The following NEGR1 variants were observed in gnomAD, a reference collection of about 807,000 sequenced individuals.
NEGR1 encodes the protein IgLON family member 4.
A neutral mutation model predicts 40.9 loss-of-function variants in NEGR1; 10 were observed. The ratio of observed to expected loss-of-function variants is 0.24; its 90% CI spans 0.15 to 0.42. The LOEUF is 0.42. Among genes scored for constraint, NEGR1 ranks in the 10% least tolerant of loss-of-function variants. The pLI is 1.00. For synonymous variants in NEGR1, 185 were observed against 166.8 expected (o/e 1.11, Z -0.84); for missense variants, 352 against 438.9 (o/e 0.80, Z 1.77).
intron 1 of NEGR1, among the ~76,000 whole-genome samples, chr1:72,080,627 A>G (rs544077919): frequency 6.6e-6 from 1 of 152,112 alleles, no homozygotes; most frequent in Non-Finnish European, 1.5e-5. Flanking sequence ...ATGCTGGTTA[A>G]GTTAAAATTA....
chr1:72,255,971 G>A (rs74092115), intron 1 of NEGR1, among the ~76,000 whole-genome samples: 3,971 of 152,236 alleles, frequency 0.026, 160 homozygotes, highest in African/African-American at 0.09. Flanking sequence ...TGTATGTCAT[G>A]TTTTATATGG....
intron 2 of NEGR1, among the ~76,000 whole-genome samples, chr1:71,796,948 A>G (rs1657353012): frequency 6.6e-6 from 1 of 152,098 alleles, no homozygotes; most frequent in Non-Finnish European, 1.5e-5. Flanking sequence ...AACGGTAGGG[A>G]CTATGGGTTG....
At chr1:72,017,946 G>A (rs1021198765) in intron 1 of NEGR1, among the ~76,000 whole-genome samples, 2 of 151,964 alleles carry the variant, frequency 1.3e-5, no homozygotes, top group Non-Finnish European at 2.9e-5. Flanking sequence ...CTCATCTAGA[G>A]AAATTTACCA....
intron 1 of NEGR1, among the ~76,000 whole-genome samples, chr1:72,024,161 G>C (rs3102908): frequency 6.6e-6 from 1 of 151,826 alleles, no homozygotes; most frequent in South Asian, 2.1e-4. Context: ...CACATAGCCA[G>C]CTGGCTACCT....
At chr1:72,271,706 C>A (rs540795488) in intron 1 of NEGR1, among the ~76,000 whole-genome samples, 1 of 152,008 alleles carries the variant, frequency 6.6e-6, no homozygotes, top group East Asian at 1.9e-4. Context: ...TGCATCCACC[C>A]AAATTTCAAC....
rs943749664 is a variant in NEGR1 at position 72,041,619 on chromosome 1, C to A, written c.177-106308G>T. On this transcript the variant is annotated intron_variant, in intron 1 of 6. Coordinates refer to ENST00000357731, the MANE Select transcript of NEGR1 (RefSeq NM_173808.3). The stretch of plus-strand genomic sequence containing the variant: ...AGAACAGTCAAATATGGTTTTGTGA[C>A]CCTCCGTACCTCAAATCCCACTTGT... Among the ~76,000 whole-genome samples, 10 of 150,046 alleles carry A rather than the reference C, an allele frequency of 6.7e-5. No individual in the cohort carries two copies. The Admixed American group carries it at 6.7e-4, about 10-fold the overall frequency.
chr1:71,588,190 A>G (rs2783047), intron 6 of NEGR1, among the ~76,000 whole-genome samples: 135,933 of 151,952 alleles, frequency 0.89, 62,161 homozygotes, highest in Non-Finnish European at 1. Flanking sequence ...AGTCTTTAAA[A>G]AACAGACTTG....
intron 4 of NEGR1, among the ~76,000 whole-genome samples, chr1:71,655,756 A>C (rs1367485284): frequency 6.6e-6 from 1 of 152,166 alleles, no homozygotes. Flanking sequence ...ACAGTCTAGA[A>C]GATACTGAGA....
chr1:72,207,908 C>A (rs1653468059), intron 1 of NEGR1, among the ~76,000 whole-genome samples: 1 of 151,724 alleles, frequency 6.6e-6, no homozygotes, highest in Non-Finnish European at 1.5e-5. Flanking sequence ...TTTGAACAGT[C>A]TGCTTCATAA....
chr1:71,432,862 C>T (rs1437573791), intron 6 of NEGR1, among the ~76,000 whole-genome samples: 1 of 152,132 alleles, frequency 6.6e-6, no homozygotes, highest in East Asian at 1.9e-4. Context: ...TGGAAGAATC[C>T]TCTGTGATTC....
chr1:72,117,094 T>C (rs547955971), intron 1 of NEGR1, among the ~76,000 whole-genome samples: 2 of 151,846 alleles, frequency 1.3e-5, no homozygotes, highest in South Asian at 4.2e-4. Context: ...AATCTAGTTC[T>C]TCCCTCTGTT....
intron 3 of NEGR1, among the ~76,000 whole-genome samples, chr1:71,716,949 C>T (rs1016190517): frequency 2.1e-4 from 32 of 152,062 alleles, no homozygotes; most frequent in Non-Finnish European, 4.3e-4. Context: ...AGAACTGCCT[C>T]CCCCCACCAT....
intron 1 of NEGR1, among the ~76,000 whole-genome samples, chr1:71,978,379 T>C (rs1342923873): frequency 6.6e-6 from 1 of 152,196 alleles, no homozygotes; most frequent in Admixed American, 6.5e-5. Context: ...TCTTTATTTC[T>C]TATATTTATT....
intron 3 of NEGR1, among the ~76,000 whole-genome samples, chr1:71,733,444 A>G (rs1654950541): frequency 6.6e-6 from 1 of 152,178 alleles, no homozygotes; most frequent in Admixed American, 6.6e-5. Flanking sequence ...CTGTATTGTA[A>G]CTGAAGTTTA....
chr1:71,903,837 T>C (rs923548940), intron 2 of NEGR1, among the ~76,000 whole-genome samples: 1 of 151,500 alleles, frequency 6.6e-6, no homozygotes, highest in Non-Finnish European at 1.5e-5. Flanking sequence ...TATATATATA[T>C]AAAAAATGAT....
At chr1:72,159,715 C>T (rs17092404) in intron 1 of NEGR1, among the ~76,000 whole-genome samples, 95 of 151,978 alleles carry the variant, frequency 6.3e-4, no homozygotes, top group African/African-American at 2.1e-3. Flanking sequence ...CTTGCTGCTG[C>T]GATTATTTTC....
At position 71,756,421 on chromosome 1, in the gene NEGR1, AAAC is replaced by A. The variant is rs1335234669; in HGVS notation, c.535+19748_535+19750del. 1.2e-4 allele frequency among the ~76,000 whole-genome samples: 17 copies of A among 142,476 alleles called. 1 individual carries two copies. The highest frequency in any genetic ancestry group is 1.5e-4 in the African/African-American group (6 of 40,072). 93.5% of individuals were successfully genotyped at this position (142,476 alleles called of 152,430 possible). A position where few individuals can be genotyped will look rare whatever the true frequency, so the allele number is the denominator to read the frequency against. On this transcript the variant is annotated intron_variant, in intron 3 of 6. Transcript: ENST00000357731. Reference sequence around the variant, plus strand: ...AAAAACAAAAACAAACAAAAAAAAAAAACCAAAAAAAACCACATCAGGCCTCTA... The same window carrying A: ...AAAAACAAAAACAAACAAAAAAAAAACAAAAAAAACCACATCAGGCCTCTA...
At chr1:71,756,422 A>C (rs998165234) in intron 3 of NEGR1, among the ~76,000 whole-genome samples, 7 of 145,420 alleles carry the variant, frequency 4.8e-5, no homozygotes, top group Non-Finnish European at 7.6e-5. Context: ...AAAAAAAAAA[A>C]ACCAAAAAAA....
intron 3 of NEGR1, among the ~76,000 whole-genome samples, chr1:71,738,627 G>A (rs549136390): frequency 2.8e-4 from 43 of 152,236 alleles, no homozygotes; most frequent in Non-Finnish European, 5.7e-4. Flanking sequence ...AGAAGGGAAT[G>A]CTGTCTGGTG....
Sources: gnomAD v4.1 joint callset for allele counts (sites outside exome capture counted in the v4.1 genomes callset) on GRCh38, gnomAD v4.1.1 for gene constraint, MANE v1.5 for transcripts, NCBI Gene and HGNC (gene_info 2026-07-23, HGNC 2026-07-21) for gene names.